RBM47: variants seen among roughly 807,000 people sequenced by gnomAD.
The protein encoded by RBM47 is RNA-binding protein 47.
In RBM47, 21 loss-of-function variants were observed where a neutral mutation model predicts 47.1. The ratio of observed to expected loss-of-function variants is 0.45; its 90% CI spans 0.32 to 0.64. The LOEUF (loss-of-function observed/expected upper bound fraction) is 0.64, where lower values mean the gene tolerates loss of function less well. RBM47 is among the 30% of genes least tolerant of loss of function. RBM47 has a pLI of 0.05. For missense variants in RBM47, 708 were observed against 870.9 expected, an observed-to-expected ratio of 0.81 and a Z score of 2.35; for synonymous variants, 375 against 361.7, an observed-to-expected ratio of 1.04 and a Z score of -0.42.
At chr4:40,561,551 T>TC (rs1560470079) in intron 1 of RBM47, among the ~76,000 whole-genome samples, 2 of 142,676 alleles carry the variant, frequency 1.4e-5, no homozygotes, top group African/African-American at 5.4e-5. Context: ...TTTCTTTTTT[T>TC]TTTCTTTTTT....
chr4:40,614,139 G>A (rs1367866512), intron 1 of RBM47, among the ~76,000 whole-genome samples: 1 of 152,086 alleles, frequency 6.6e-6, no homozygotes, highest in Admixed American at 6.6e-5. Flanking sequence ...TGAGAGTTAA[G>A]AATCAAATCT....
At chr4:40,517,280 A>G (rs1462563056) in intron 2 of RBM47, among the ~76,000 whole-genome samples, 1 of 152,090 alleles carries the variant, frequency 6.6e-6, no homozygotes, top group Non-Finnish European at 1.5e-5. Context: ...GATTATAGTC[A>G]TGCACCACCA....
At chr4:40,560,116 A>G (rs1171500750) in intron 1 of RBM47, among the ~76,000 whole-genome samples, 2 of 152,182 alleles carry the variant, frequency 1.3e-5, no homozygotes, top group African/African-American at 2.4e-5. Flanking sequence ...GTCAAAACGC[A>G]GCCAAGCTGA....
chr4:40,626,711 T>C (rs1248179564), intron 1 of RBM47, among the ~76,000 whole-genome samples: 1 of 152,098 alleles, frequency 6.6e-6, no homozygotes. Flanking sequence ...CCTCTCCCCA[T>C]ACAGACGCTC....
chr4:40,621,744 C>G (rs756418784), intron 1 of RBM47, among the ~76,000 whole-genome samples: 17 of 152,162 alleles, frequency 1.1e-4, no homozygotes, highest in South Asian at 8.3e-4. Context: ...ATGGTTCAAA[C>G]AGAGGGCTAC....
intron 2 of RBM47, among the ~76,000 whole-genome samples, chr4:40,468,597 T>G (rs1208466590): frequency 6.6e-6 from 1 of 152,218 alleles, no homozygotes; most frequent in Non-Finnish European, 1.5e-5. Context: ...ATATAACTTA[T>G]AGCTCAAAAT....
chr4:40,437,723 G>C, intron 4 of RBM47, 48 bp downstream of exon 4: 2 of 1,521,146 alleles, frequency 1.3e-6, no homozygotes, highest in Non-Finnish European at 9.0e-7. Context: ...CCCTGCCTAG[G>C]AGGCAACGTT....
intron 1 of RBM47, among the ~76,000 whole-genome samples, chr4:40,553,290 T>TTTTTATTTTA (rs143886861): frequency 8.0e-5 from 12 of 149,846 alleles, no homozygotes; most frequent in Admixed American, 6.0e-4. Flanking sequence ...CATTATGTAT[T>TTTTTATTTTA]TTTTATTTTA....
At chr4:40,615,838 G>A (rs186149134) in intron 1 of RBM47, among the ~76,000 whole-genome samples, 208 of 152,150 alleles carry the variant, frequency 1.4e-3, no homozygotes, top group Non-Finnish European at 2.6e-3. Context: ...TATCCTTTTG[G>A]AAACTGAACC....
intron 1 of RBM47, among the ~76,000 whole-genome samples, chr4:40,577,843 T>TTTG (rs1179415058): frequency 6.6e-6 from 1 of 152,160 alleles, no homozygotes; most frequent in Non-Finnish European, 1.5e-5. Flanking sequence ...ACCAACAAAC[T>TTTG]GTCCAATAAA....
In RBM47 at chr4:40,424,952, C is replaced by T. The variant is rs888844465; in HGVS notation, c.*952G>A. The T allele has an allele frequency of 2.0e-5, 3 of 150,732 alleles. No homozygotes were observed. The South Asian group carries it at 6.3e-4, about 32-fold the overall frequency. The allele number at this position is 150,732 out of a possible 1,614,324, so 9.3% of individuals were successfully genotyped here. On this transcript the variant is annotated 3_prime_UTR_variant, in exon 7 of 7. Transcript: ENST00000295971. The stretch of plus-strand genomic sequence containing the variant: ...TTACTCTGCTACTGAAAATAGCACA[C>T]GTAGAAGACAATACTTCCCCAACCA...
intron 1 of RBM47, among the ~76,000 whole-genome samples, chr4:40,600,414 C>G (rs919798013): frequency 1.3e-5 from 2 of 150,804 alleles, no homozygotes; most frequent in African/African-American, 2.4e-5. Context: ...GCGGGCGGAT[C>G]ACGAGGTCAG....
At chr4:40,571,815 T>TA (rs1731741518) in intron 1 of RBM47, among the ~76,000 whole-genome samples, 1 of 151,424 alleles carries the variant, frequency 6.6e-6, no homozygotes, top group African/African-American at 2.4e-5. Flanking sequence ...GGTCAGGAGT[T>TA]AGAGAACAGC....
chr4:40,599,187 G>A (rs1238293745), intron 1 of RBM47, among the ~76,000 whole-genome samples: 1 of 150,020 alleles, frequency 6.7e-6, no homozygotes, highest in Non-Finnish European at 1.5e-5. Flanking sequence ...GAACCCAGGA[G>A]GCGGAGGTTG....
intron 1 of RBM47, among the ~76,000 whole-genome samples, chr4:40,619,560 GCA>G (rs1737064870): frequency 6.6e-6 from 1 of 152,090 alleles, no homozygotes; most frequent in Non-Finnish European, 1.5e-5. Context: ...TCCTTGCTGG[GCA>G]CTTTGCACTG....
chr4:40,523,822 G>A (rs1471118659), intron 2 of RBM47, among the ~76,000 whole-genome samples: 1 of 148,666 alleles, frequency 6.7e-6, no homozygotes, highest in Non-Finnish European at 1.5e-5. Flanking sequence ...CAGTAATCGC[G>A]CCACTGCACT....
At chr4:40,534,879 G>A (rs948520822) in intron 2 of RBM47, among the ~76,000 whole-genome samples, 2 of 150,706 alleles carry the variant, frequency 1.3e-5, no homozygotes, top group Non-Finnish European at 2.9e-5. Flanking sequence ...AGCTTGCAGT[G>A]AGCCGAGATC....
At chr4:40,567,319 C>T (rs1056238133) in intron 1 of RBM47, among the ~76,000 whole-genome samples, 3 of 152,002 alleles carry the variant, frequency 2.0e-5, no homozygotes, top group African/African-American at 7.2e-5. Flanking sequence ...TTACAACTAA[C>T]ATTTATCGAG....
At chr4:40,530,468 A>G (rs1226644992) in intron 2 of RBM47, among the ~76,000 whole-genome samples, 2 of 151,722 alleles carry the variant, frequency 1.3e-5, no homozygotes, top group East Asian at 1.9e-4. Context: ...GCACCCAGCT[A>G]ATTTTTATAT....
Sources: gnomAD v4.1 joint callset for allele counts (sites outside exome capture counted in the v4.1 genomes callset) on GRCh38, gnomAD v4.1.1 for gene constraint, MANE v1.5 for transcripts, NCBI Gene and HGNC (gene_info 2026-07-23, HGNC 2026-07-21) for gene names.